Variants in TCF12 observed in about 807,000 individuals in gnomAD.
TCF12 encodes the protein transcription factor 12.
TCF12 carries 45 observed loss-of-function variants against 86.0 expected under a neutral mutation model. The ratio of observed to expected loss-of-function variants is 0.52; its 90% CI spans 0.41 to 0.67. The LOEUF (loss-of-function observed/expected upper bound fraction) is 0.67. TCF12 is among the 30% of genes least tolerant of loss of function. The probability of loss-of-function intolerance (pLI) is 0.00; values close to 1 mark genes in which losing one functional copy is unlikely to be tolerated. For synonymous variants in TCF12, 330 were observed against 299.6 expected, an observed-to-expected ratio of 1.10 and a Z score of -1.05; for missense variants, 881 against 859.9, an observed-to-expected ratio of 1.02 and a Z score of -0.31.
intron 3 of TCF12, among the ~76,000 whole-genome samples, chr15:57,013,732 C>A (rs926790398): frequency 6.6e-6 from 1 of 152,104 alleles, no homozygotes; most frequent in African/African-American, 2.4e-5. Flanking sequence ...TAGAGAAGTT[C>A]ATTAGACTTC....
At chr15:56,977,066 A>G (rs372971787) in intron 3 of TCF12, among the ~76,000 whole-genome samples, 9 of 152,220 alleles carry the variant, frequency 5.9e-5, no homozygotes, top group Admixed American at 2.6e-4. Flanking sequence ...GCAGAAGGTT[A>G]TATTGAGCAG....
rs139586768 is a variant in TCF12, at chr15:57,272,688, C to T, written c.1746-342C>T. On this transcript the variant is annotated intron_variant, in intron 18 of 20. Transcript: ENST00000333725. ...TAACAAGCTCCCAGTAATGCTGATG[C>T]TGCTGATTTGTGGATCACATTTTGT... Among the ~76,000 whole-genome samples, 3 of 152,300 alleles carry T rather than the reference C, an allele frequency of 2.0e-5. No homozygotes were observed. In the East Asian group the frequency reaches 5.8e-4, roughly 29 times the overall value.
chr15:57,145,732 C>A (rs1229428049), intron 5 of TCF12, among the ~76,000 whole-genome samples: 1 of 152,140 alleles, frequency 6.6e-6, no homozygotes, highest in Non-Finnish European at 1.5e-5. Flanking sequence ...TAGAGCTGTT[C>A]CTGATTCTCT....
intron 10 of TCF12, 46 bp downstream of exon 10, chr15:57,232,476 CT>C: frequency 6.5e-7 from 1 of 1,538,222 alleles, no homozygotes. Context: ...TTTGTCCTCA[CT>C]TGTGTTTCTT....
intron 3 of TCF12, among the ~76,000 whole-genome samples, chr15:57,061,086 T>C (rs1415109193): frequency 6.6e-6 from 1 of 152,218 alleles, no homozygotes; most frequent in East Asian, 1.9e-4. Context: ...CAGTGGTATG[T>C]ACTACTCTTT....
chr15:57,190,043 CAG>C (rs2056900491), intron 6 of TCF12, among the ~76,000 whole-genome samples: 1 of 152,034 alleles, frequency 6.6e-6, no homozygotes, highest in Non-Finnish European at 1.5e-5. Context: ...TCCAGAGAGA[CAG>C]AAATGGATTA....
In TCF12 at chr15:57,208,380, C is replaced by CTTTTTTTTTTTTTTTTTTTTTT. The variant is rs1184422578; in HGVS notation, c.579+10574_579+10575insTTTTTTTTTTTTTTTTTTTTTT. 1.0e-3 allele frequency among the ~76,000 whole-genome samples: 68 copies of CTTTTTTTTTTTTTTTTTTTTTT among 65,588 alleles called. 13 individuals are homozygous for CTTTTTTTTTTTTTTTTTTTTTT. Among genetic ancestry groups the CTTTTTTTTTTTTTTTTTTTTTT allele is most frequent in the African/African-American group, 4.4e-3 (65 of 14,844 alleles). 43.0% of individuals were successfully genotyped at this position (65,588 alleles called of 152,430 possible). On this transcript the variant is annotated intron_variant, in intron 8 of 20. Transcript: ENST00000333725. Reference sequence around the variant, plus strand: ...ACCTTGTTCTTTGGACAAAAATATCCTTTTTTTTTTTTTTTTTTTGGAGAC... The same window carrying CTTTTTTTTTTTTTTTTTTTTTT: ...ACCTTGTTCTTTGGACAAAAATATCCTTTTTTTTTTTTTTTTTTTTTTTTTTTTTTTTTTTTTTTTTGGAGAC...
chr15:57,139,767 GA>G (rs1672079453), intron 5 of TCF12, among the ~76,000 whole-genome samples: 1 of 151,982 alleles, frequency 6.6e-6, no homozygotes, highest in Non-Finnish European at 1.5e-5. Flanking sequence ...TGACACTCAA[GA>G]AAAAAGTAAT....
chr15:57,144,781 T>C (rs1174073879), intron 5 of TCF12, among the ~76,000 whole-genome samples: 1 of 152,094 alleles, frequency 6.6e-6, no homozygotes, highest in Non-Finnish European at 1.5e-5. Context: ...TTGAATTTTT[T>C]TGTAGAGATA....
chr15:57,154,563 G>A (rs757431726), intron 5 of TCF12, among the ~76,000 whole-genome samples: 5 of 152,012 alleles, frequency 3.3e-5, no homozygotes, highest in Non-Finnish European at 4.4e-5. Context: ...TTTATGTTTC[G>A]ACTTCTCAGC....
intron 5 of TCF12, among the ~76,000 whole-genome samples, chr15:57,123,260 C>T (rs2051366197): frequency 6.6e-6 from 1 of 152,092 alleles, no homozygotes; most frequent in Non-Finnish European, 1.5e-5. Context: ...GAGGCTTTTG[C>T]AATAGAAAGT....
chr15:57,286,553 A>G lies in TCF12; in HGVS notation c.*408A>G. 4.6e-6 allele frequency: 2 copies of G among 439,428 alleles called. No homozygotes were observed. Among genetic ancestry groups the G allele is most frequent in the East Asian group, 1.4e-4 (2 of 14,260 alleles). 27.2% of individuals were successfully genotyped at this position (439,428 alleles called of 1,614,324 possible). ...CTGTAAGGTCTACATATAAAGGGAA[A>G]AAGTTAATGTGGAAAGCTGATCTAC... On this transcript the variant is annotated 3_prime_UTR_variant, in exon 21 of 21. Coordinates refer to ENST00000333725, the MANE Select transcript of TCF12 (RefSeq NM_207037.2).
At chr15:56,977,592 C>T (rs2062677072) in intron 3 of TCF12, among the ~76,000 whole-genome samples, 2 of 151,832 alleles carry the variant, frequency 1.3e-5, no homozygotes, top group Admixed American at 1.3e-4. Context: ...GAGAGACACA[C>T]ACACACAGAG....
chr15:57,074,198 T>G (rs548072728), intron 4 of TCF12, among the ~76,000 whole-genome samples: 4 of 152,188 alleles, frequency 2.6e-5, no homozygotes, highest in African/African-American at 9.6e-5. Flanking sequence ...GACAAGAGAG[T>G]TAATTCCCGA....
chr15:56,956,871 G>C (rs1166993595), intron 3 of TCF12, among the ~76,000 whole-genome samples: 1 of 151,160 alleles, frequency 6.6e-6, no homozygotes, highest in Non-Finnish European at 1.5e-5. Context: ...TGTTTCTTTT[G>C]CTTGGTATTT....
intron 8 of TCF12, among the ~76,000 whole-genome samples, chr15:57,207,137 T>G (rs1479471250): frequency 6.6e-6 from 1 of 151,708 alleles, no homozygotes; most frequent in East Asian, 1.9e-4. Flanking sequence ...GAACCTAAAG[T>G]TAAAGATAGT....
intron 3 of TCF12, among the ~76,000 whole-genome samples, chr15:56,944,909 A>G (rs980056410): frequency 1.8e-4 from 27 of 152,306 alleles, no homozygotes; most frequent in African/African-American, 6.3e-4. Flanking sequence ...GTCGATTTCT[A>G]TTAAGCCTGC....
intron 3 of TCF12, among the ~76,000 whole-genome samples, chr15:57,008,102 A>G (rs2064578247): frequency 1.3e-5 from 2 of 150,928 alleles, no homozygotes; most frequent in Admixed American, 1.3e-4. Context: ...CTGGGACTAC[A>G]GGCACATGCC....
intron 1 of TCF12, 135 bp downstream of exon 1, chr15:56,919,041 C>G (rs1439626612): frequency 1.3e-5 from 2 of 151,912 alleles, no homozygotes; most frequent in Non-Finnish European, 2.9e-5. Flanking sequence ...CAGCGCGAAA[C>G]CCGGGGTCCC....
Sources: allele counts gnomAD v4.1 joint callset (sites outside exome capture counted in the v4.1 genomes callset), GRCh38; gene constraint gnomAD v4.1.1; transcripts MANE v1.5; gene names NCBI Gene and HGNC (gene_info 2026-07-23, HGNC 2026-07-21).